The following ESR1 variants were observed in gnomAD, a reference collection of about 807,000 sequenced individuals.
The protein encoded by ESR1 is estrogen receptor.
In ESR1, 12 loss-of-function variants were observed where a neutral mutation model predicts 52.7. That is an observed-to-expected ratio of 0.23 (90% CI 0.15 to 0.37). The LOEUF is 0.37. ESR1 is among the 10% of genes least tolerant of loss of function. The pLI, the probability that ESR1 is intolerant of heterozygous loss-of-function variation, is 1.00. For missense variants in ESR1, 584 were observed against 779.7 expected (o/e 0.75, Z 2.99); for synonymous variants, 305 against 316.8 (o/e 0.96, Z 0.39).
chr6:151,734,295 G>A (rs1212647843), intron 2 of ESR1, among the ~76,000 whole-genome samples: 1 of 152,172 alleles, frequency 6.6e-6, no homozygotes, highest in Non-Finnish European at 1.5e-5. Flanking sequence ...CAAAGAAGTG[G>A]ACACAATCCA....
At chr6:152,045,192 C>T (rs560751787) in intron 5 of ESR1, among the ~76,000 whole-genome samples, 2 of 152,278 alleles carry the variant, frequency 1.3e-5, no homozygotes, top group African/African-American at 4.8e-5. Context: ...ATGAATGGCT[C>T]ACTACAGGGG....
chr6:151,689,611 C>A (rs992860780), upstream of ESR1, among the ~76,000 whole-genome samples: 1 of 152,106 alleles, frequency 6.6e-6, no homozygotes, highest in East Asian at 1.9e-4. Context: ...CTTTCCCATG[C>A]CAGTTTTGAG....
intron 1 of ESR1, among the ~76,000 whole-genome samples, chr6:151,680,555 T>C (rs568135128): frequency 2.6e-5 from 4 of 152,208 alleles, no homozygotes; most frequent in Admixed American, 1.3e-4. Flanking sequence ...AAAGAGCTCT[T>C]TTGTTTCTTT....
intron 1 of ESR1, among the ~76,000 whole-genome samples, 192 bp downstream of exon 1, chr6:151,808,556 C>G (rs1438483364): frequency 6.6e-6 from 1 of 152,138 alleles, no homozygotes; most frequent in East Asian, 1.9e-4. Flanking sequence ...CGTTCAGAGT[C>G]AAGTTCTCTC....
intron 1 of ESR1, among the ~76,000 whole-genome samples, chr6:151,663,992 G>T (rs1169880518): frequency 6.6e-6 from 1 of 152,172 alleles, no homozygotes; most frequent in African/African-American, 2.4e-5. Context: ...GTTGTTTAAA[G>T]ATGTTCTTTC....
At chr6:152,075,609 C>A (rs1344576624) in intron 6 of ESR1, among the ~76,000 whole-genome samples, 2 of 152,270 alleles carry the variant, frequency 1.3e-5, no homozygotes, top group African/African-American at 2.4e-5. Context: ...AATTCTCAGC[C>A]ACTTCAATTC....
At chr6:151,760,916 A>T in intron 2 of ESR1, among the ~76,000 whole-genome samples, 1 of 152,346 alleles carries the variant, frequency 6.6e-6, no homozygotes, top group Non-Finnish European at 1.5e-5. Context: ...TCTATGATTG[A>T]GACCTTTTTG....
At chr6:151,737,296 G>A (rs1782752687) in intron 2 of ESR1, among the ~76,000 whole-genome samples, 1 of 152,140 alleles carries the variant, frequency 6.6e-6, no homozygotes, top group African/African-American at 2.4e-5. Flanking sequence ...ATCACCGGCT[G>A]AGGCAAGGGA....
chr6:151,815,305 T>C (rs1369684335), intron 1 of ESR1, among the ~76,000 whole-genome samples: 14 of 152,222 alleles, frequency 9.2e-5, no homozygotes, highest in Non-Finnish European at 2.1e-4. Context: ...TTTCTTTAGT[T>C]ACAGGGAAAA....
At chr6:151,941,182 A>T (rs1438478230) in intron 3 of ESR1, among the ~76,000 whole-genome samples, 1 of 152,208 alleles carries the variant, frequency 6.6e-6, no homozygotes, top group East Asian at 1.9e-4. Flanking sequence ...CCTTAGGAAA[A>T]ACAATATCAC....
intron 5 of ESR1, among the ~76,000 whole-genome samples, chr6:152,029,142 C>T (rs931586741): frequency 7.9e-5 from 12 of 152,174 alleles, no homozygotes; most frequent in Non-Finnish European, 1.0e-4. Flanking sequence ...CCCATCTGTA[C>T]GTCACCATCA....
At chr6:151,783,604 G>T (rs898861993) in intron 2 of ESR1, among the ~76,000 whole-genome samples, 1 of 152,098 alleles carries the variant, frequency 6.6e-6, no homozygotes, top group Non-Finnish European at 1.5e-5. Flanking sequence ...AACAGTTTTA[G>T]ATTTTAGATT....
chr6:151,900,676 C>T (rs1031776936), intron 3 of ESR1, among the ~76,000 whole-genome samples: 3 of 152,188 alleles, frequency 2.0e-5, no homozygotes, highest in Non-Finnish European at 2.9e-5. Flanking sequence ...AGAGATGTGG[C>T]TTCCTGGGAA....
intron 4 of ESR1, among the ~76,000 whole-genome samples, chr6:151,970,027 C>G (rs1277867523): frequency 6.6e-6 from 1 of 151,976 alleles, no homozygotes; most frequent in African/African-American, 2.4e-5. Flanking sequence ...GTACAAGACT[C>G]TTTGCTGGGC....
intron 6 of ESR1, among the ~76,000 whole-genome samples, chr6:152,076,266 G>A (rs1324942239): frequency 1.3e-5 from 2 of 152,040 alleles, no homozygotes; most frequent in South Asian, 2.1e-4. Context: ...TTTTATCAGG[G>A]GTTTCCACTT....
chr6:151,987,814 T>G (rs1367345481), intron 4 of ESR1, among the ~76,000 whole-genome samples: 2 of 152,172 alleles, frequency 1.3e-5, no homozygotes, highest in East Asian at 3.8e-4. Flanking sequence ...GCTTTTGGAT[T>G]ATTATTGTTA....
At chr6:151,836,792 T>C (rs1216961291) in intron 1 of ESR1, among the ~76,000 whole-genome samples, 1 of 152,208 alleles carries the variant, frequency 6.6e-6, no homozygotes, top group Non-Finnish European at 1.5e-5. Context: ...ATGAAGTTAT[T>C]GCACTAGAAC....
At chr6:151,998,376 T>A (rs548799932) in intron 4 of ESR1, among the ~76,000 whole-genome samples, 28 of 152,254 alleles carry the variant, frequency 1.8e-4, no homozygotes, top group African/African-American at 6.3e-4. Context: ...TTCTTTTTTT[T>A]TTCTGTTCTT....
intron 5 of ESR1, among the ~76,000 whole-genome samples, chr6:152,037,157 C>T (rs1397448622): frequency 6.6e-6 from 1 of 152,042 alleles, no homozygotes; most frequent in East Asian, 1.9e-4. Context: ...TAGTGTTGTT[C>T]TGTTGGACTA....
Sources: gnomAD v4.1 joint callset for allele counts (sites outside exome capture counted in the v4.1 genomes callset) on GRCh38, gnomAD v4.1.1 for gene constraint, MANE v1.5 for transcripts, NCBI Gene and HGNC (gene_info 2026-07-23, HGNC 2026-07-21) for gene names.